VPS13B: variants seen among roughly 807,000 people sequenced by gnomAD.
VPS13B encodes intermembrane lipid transfer protein VPS13B.
In VPS13B, 285 loss-of-function variants were observed where a neutral mutation model predicts 426.4. The ratio of observed to expected loss-of-function variants is 0.67; its 90% CI spans 0.61 to 0.74. The LOEUF (loss-of-function observed/expected upper bound fraction) is 0.74, where lower values mean the gene tolerates loss of function less well. Among genes scored for constraint, VPS13B ranks in the 30% least tolerant of loss-of-function variants. The pLI is 0.00. For missense variants in VPS13B, 4,537 were observed against 4,782.6 expected (o/e 0.95, Z 1.51); for synonymous variants, 1,676 against 1,676.4 (o/e 1.00, Z 0.01).
intron 34 of VPS13B, among the ~76,000 whole-genome samples, chr8:99,658,809 GTTGTTT>G (rs1830113564): frequency 6.6e-6 from 1 of 152,024 alleles, no homozygotes; most frequent in Non-Finnish European, 1.5e-5. Context: ...TCTTGTTGTT[GTTGTTT>G]TTGTTTTTGT....
chr8:99,748,821 T>C (rs560300307), intron 39 of VPS13B, among the ~76,000 whole-genome samples: 3 of 152,176 alleles, frequency 2.0e-5, no homozygotes, highest in East Asian at 1.9e-4. Flanking sequence ...TTATGATGTA[T>C]GGAATGCGCA....
In VPS13B at chr8:99,833,435, G is replaced by A. The variant is rs74739838; in HGVS notation, c.9614+783G>A. ...TAGACTTTATTTGAGATTTAGCAAT[G>A]CTAACTCTTTTGATGTAATATTTTA... On this transcript the variant is annotated intron_variant, in intron 52 of 61. Transcript: ENST00000357162. 5.4e-4 allele frequency among the ~76,000 whole-genome samples: 82 copies of A among 152,232 alleles called. No individual in the cohort carries two copies. In the East Asian group the frequency reaches 0.014, roughly 26 times the overall value.
At chr8:99,540,743 A>C (rs1355130899) in intron 30 of VPS13B, among the ~76,000 whole-genome samples, 1 of 152,202 alleles carries the variant, frequency 6.6e-6, no homozygotes, top group East Asian at 1.9e-4. Context: ...TTTGAAAGAT[A>C]CAAAAACTTT....
intron 16 of VPS13B, among the ~76,000 whole-genome samples, chr8:99,182,920 A>G (rs184196463): frequency 1.3e-5 from 2 of 152,258 alleles, no homozygotes; most frequent in African/African-American, 4.8e-5. Context: ...TATTTTTAGT[A>G]GAGACTGGGT....
chr8:99,646,107 T>G (rs1829565805), intron 34 of VPS13B, among the ~76,000 whole-genome samples: 1 of 152,188 alleles, frequency 6.6e-6, no homozygotes, highest in Non-Finnish European at 1.5e-5. Flanking sequence ...GATATTACCA[T>G]GAAGCTAATG....
chr8:99,616,508 A>C (rs1828095094), intron 33 of VPS13B, among the ~76,000 whole-genome samples: 1 of 152,218 alleles, frequency 6.6e-6, no homozygotes. Context: ...GGAGAAAGGG[A>C]AATGATGTTA....
At chr8:99,451,037 C>A (rs1349801765) in intron 23 of VPS13B, among the ~76,000 whole-genome samples, 2 of 152,080 alleles carry the variant, frequency 1.3e-5, no homozygotes, top group African/African-American at 4.8e-5. Context: ...TCAGGATTAT[C>A]ATTGTGAATG....
intron 30 of VPS13B, among the ~76,000 whole-genome samples, chr8:99,546,788 G>A (rs1824004816): frequency 6.6e-6 from 1 of 151,954 alleles, no homozygotes; most frequent in Non-Finnish European, 1.5e-5. Context: ...TAGAGACATA[G>A]TAATAAAAAT....
intron 23 of VPS13B, among the ~76,000 whole-genome samples, chr8:99,461,795 A>C (rs1818846151): frequency 6.6e-6 from 1 of 152,148 alleles, no homozygotes; most frequent in Non-Finnish European, 1.5e-5. Flanking sequence ...CACCACCATC[A>C]GCTAGTGTCC....
intron 44 of VPS13B, 42 bp from the exon 45 acceptor site, chr8:99,817,498 A>G (rs771506685): frequency 6.2e-7 from 1 of 1,608,812 alleles, no homozygotes; most frequent in East Asian, 2.2e-5. Context: ...CAGTTAATGA[A>G]GTCTGAATTG....
At chr8:99,183,769 A>G (rs1813071598) in intron 16 of VPS13B, among the ~76,000 whole-genome samples, 2 of 152,192 alleles carry the variant, frequency 1.3e-5, no homozygotes, top group African/African-American at 4.8e-5. Flanking sequence ...GACTATATTG[A>G]GGTATAATTT....
intron 31 of VPS13B, among the ~76,000 whole-genome samples, chr8:99,558,680 ATAG>A (rs1457896536): frequency 6.6e-6 from 1 of 152,078 alleles, no homozygotes; most frequent in Non-Finnish European, 1.5e-5. Context: ...TGTCCTTGCA[ATAG>A]TTTGCTCACA....
intron 16 of VPS13B, among the ~76,000 whole-genome samples, chr8:99,187,778 G>C (rs1482046414): frequency 1.3e-5 from 2 of 152,096 alleles, no homozygotes; most frequent in Non-Finnish European, 2.9e-5. Context: ...AGACCAGCCT[G>C]GGCAACTAAG....
chr8:99,798,013 G>C (rs1174134496), intron 43 of VPS13B, among the ~76,000 whole-genome samples: 2 of 152,062 alleles, frequency 1.3e-5, no homozygotes, highest in African/African-American at 4.8e-5. Flanking sequence ...TTATGCCTTT[G>C]CTCCCGAGTG....
chr8:99,350,933 T>TAC (rs1811848020), intron 19 of VPS13B, among the ~76,000 whole-genome samples: 2 of 152,006 alleles, frequency 1.3e-5, no homozygotes, highest in Middle Eastern at 6.4e-3. Context: ...AAATTAATTT[T>TAC]AGTTATTTAG....
rs539368802 is a variant in VPS13B at position 99,875,341 on chromosome 8, C to T, written c.11746-77C>T. On this transcript the variant is annotated intron_variant, in intron 61 of 61. Transcript: ENST00000357162. Reference sequence around the variant, plus strand: ...TAAAAGGCATAATGTACAAATATATCGAGGCAAAAGAACTAATTTTGTTCT... The same window carrying T: ...TAAAAGGCATAATGTACAAATATATTGAGGCAAAAGAACTAATTTTGTTCT... The T allele has an allele frequency of 2.4e-3, 3,826 of 1,592,126 alleles. 12 individuals carry two copies. Among genetic ancestry groups the T allele is most frequent in the South Asian group, 2.9e-3 (266 of 90,216 alleles).
intron 33 of VPS13B, among the ~76,000 whole-genome samples, chr8:99,605,538 T>C (rs1254794974): frequency 6.6e-6 from 1 of 152,252 alleles, no homozygotes; most frequent in Non-Finnish European, 1.5e-5. Context: ...TTGGCAGTCA[T>C]TAATTTTAGT....
At chr8:99,795,210 G>A (rs1487181852) in intron 43 of VPS13B, among the ~76,000 whole-genome samples, 1 of 152,196 alleles carries the variant, frequency 6.6e-6, no homozygotes, top group Non-Finnish European at 1.5e-5. Flanking sequence ...GCTAGATCAT[G>A]TAGTTTATTA....
chr8:99,357,171 G>C (rs1157953689), intron 19 of VPS13B, among the ~76,000 whole-genome samples: 1 of 152,012 alleles, frequency 6.6e-6, no homozygotes, highest in African/African-American at 2.4e-5. Context: ...TTATTAAACT[G>C]ATCAGAATGC....
Sources: allele counts gnomAD v4.1 joint callset (sites outside exome capture counted in the v4.1 genomes callset), GRCh38; gene constraint gnomAD v4.1.1; transcripts MANE v1.5; gene names NCBI Gene and HGNC (gene_info 2026-07-23, HGNC 2026-07-21).